Variants in ADGRA3 observed in about 807,000 individuals in gnomAD.
The protein encoded by ADGRA3 is adhesion G protein-coupled receptor A3, also known as G-protein coupled receptor 125.
A neutral mutation model predicts 119.8 loss-of-function variants in ADGRA3; 56 were observed. That is an observed-to-expected ratio of 0.47 (90% CI 0.38 to 0.58). The LOEUF (loss-of-function observed/expected upper bound fraction) is 0.58. ADGRA3 is among the 20% of genes least tolerant of loss of function. The pLI is 0.00. For missense variants in ADGRA3, 1,516 were observed against 1,649.0 expected (o/e 0.92, Z 1.40); for synonymous variants, 607 against 623.8 (o/e 0.97, Z 0.40).
chr4:22,481,094 G>A, intron 1 of ADGRA3, among the ~76,000 whole-genome samples: 1 of 152,092 alleles, frequency 6.6e-6, no homozygotes, highest in East Asian at 1.9e-4. Flanking sequence ...TTTACAAATT[G>A]TACTAATGTA....
intron 1 of ADGRA3, among the ~76,000 whole-genome samples, chr4:22,502,515 G>C (rs1384949601): frequency 6.6e-6 from 1 of 152,186 alleles, no homozygotes; most frequent in East Asian, 1.9e-4. Flanking sequence ...ATTCAAGCTA[G>C]TTTTCAAGAA....
At chr4:22,489,352 T>C (rs1718545973) in intron 1 of ADGRA3, among the ~76,000 whole-genome samples, 1 of 152,104 alleles carries the variant, frequency 6.6e-6, no homozygotes, top group Admixed American at 6.6e-5. Context: ...GGTGGGAATA[T>C]AGCCAAACCA....
chr4:22,401,382 C>A (rs1472132344), intron 16 of ADGRA3, 49 bp downstream of exon 16: 3 of 1,497,414 alleles, frequency 2.0e-6, no homozygotes, highest in Non-Finnish European at 1.8e-6. Context: ...ATGAAATTAT[C>A]TTCTAATACC....
At chr4:22,508,589 G>A (rs1006633821) in intron 1 of ADGRA3, among the ~76,000 whole-genome samples, 3 of 152,166 alleles carry the variant, frequency 2.0e-5, no homozygotes, top group Non-Finnish European at 4.4e-5. Context: ...TTGATCCAAT[G>A]GCTCTGCTGG....
intron 1 of ADGRA3, among the ~76,000 whole-genome samples, chr4:22,500,704 A>G (rs1175152623): frequency 2.0e-5 from 3 of 152,212 alleles, no homozygotes; most frequent in African/African-American, 7.2e-5. Flanking sequence ...ATGTAAAGTA[A>G]GAGGTGCCCA....
chr4:22,390,320 TTATA>T lies in ADGRA3; in HGVS notation c.2628-1141_2628-1138del, dbSNP rs34566272. ...TATTTCTAGCATGCTTCTCTACTGC[TTATA>T]TATATATATATATAAAATACATATT... On this transcript the variant is annotated intron_variant, in intron 17 of 18. Transcript: ENST00000334304. Among the ~76,000 whole-genome samples the T allele has an allele frequency of 4.6e-3, 494 of 106,264 alleles. 11 individuals carry two copies. The highest frequency in any genetic ancestry group is 0.021 in the African/African-American group (441 of 20,924). The allele number at this position is 106,264 out of a possible 152,430, so 69.7% of individuals were successfully genotyped here. A position where few individuals can be genotyped will look rare whatever the true frequency, so the allele number is the denominator to read the frequency against.
At chr4:22,485,177 G>A (rs1718395809) in intron 1 of ADGRA3, among the ~76,000 whole-genome samples, 1 of 152,074 alleles carries the variant, frequency 6.6e-6, no homozygotes, top group Non-Finnish European at 1.5e-5. Flanking sequence ...CACCTCCTGG[G>A]TTCAAGCAAT....
chr4:22,458,297 CT>C (rs1056744732), intron 3 of ADGRA3, among the ~76,000 whole-genome samples: 1 of 152,168 alleles, frequency 6.6e-6, no homozygotes, highest in Admixed American at 6.6e-5. Flanking sequence ...TGCTCACCTG[CT>C]GCTGCCCCTC....
intron 1 of ADGRA3, among the ~76,000 whole-genome samples, chr4:22,497,016 T>G (rs1718852394): frequency 6.6e-6 from 1 of 152,164 alleles, no homozygotes; most frequent in Non-Finnish European, 1.5e-5. Flanking sequence ...GCAGAAACCA[T>G]CAAAGGCAAC....
intron 14 of ADGRA3, among the ~76,000 whole-genome samples, chr4:22,410,211 T>G (rs1715137756): frequency 6.6e-6 from 1 of 152,176 alleles, no homozygotes; most frequent in Non-Finnish European, 1.5e-5. Context: ...GTATATAAAT[T>G]AGCTTATCTT....
At chr4:22,466,691 C>T (rs566339144) in intron 2 of ADGRA3, among the ~76,000 whole-genome samples, 30 of 151,782 alleles carry the variant, frequency 2.0e-4, no homozygotes, top group Admixed American at 2.0e-4. Context: ...TCCAGCTTGG[C>T]GACAGATCAA....
rs543392883 is a variant in ADGRA3, at chr4:22,419,727, T to C, written c.1809+1159A>G. Among the ~76,000 whole-genome samples, 6 of 152,304 alleles carry C rather than the reference T, an allele frequency of 3.9e-5. No individual in the cohort carries two copies. The South Asian group carries it at 1.2e-3, about 32-fold the overall frequency. ...TCTCATGGGTTTCTCTGTGTTGCTG[T>C]TTCTAGTCTTTTATAGTATGTTTGT... On this transcript the variant is annotated intron_variant, in intron 12 of 18. Transcript: ENST00000334304.
intron 1 of ADGRA3, among the ~76,000 whole-genome samples, chr4:22,480,042 G>A (rs1441756384): frequency 1.3e-5 from 2 of 152,156 alleles, no homozygotes; most frequent in Admixed American, 6.5e-5. Context: ...AATACCTACT[G>A]TAGATGACGG....
rs754628680 is a variant in ADGRA3 at position 22,402,705 on chromosome 4, G to T, written c.2327C>A (p.Ala776Asp). 5.0e-6 allele frequency: 8 copies of T among 1,613,648 alleles called. No homozygotes were observed. In the South Asian group the frequency reaches 7.7e-5, roughly 16 times the overall value. ...TAIILLLCLL[A>D]VIVSYIYHHS... ...ATGGTATATGTAACTGACAATGACG[G>T]CTAAGAGACATAAGAGGAGAATGAT... Residue 776 changes from alanine (A) to aspartate (D), a missense_variant, in exon 15 of 19, where the codon GCC (alanine) becomes GAC (aspartate). Physicochemically the swap from Ala to Asp is moderately radical, Grantham distance 126 (BLOSUM62 -2). This residue lies in a region of ADGRA3 where 1,088 missense variants were observed against 1,107.1 expected (regional missense o/e 0.98). Transcript: ENST00000334304.
intron 6 of ADGRA3, chr4:22,443,071 A>T (rs1157909568): frequency 4.4e-6 from 3 of 681,222 alleles, no homozygotes; most frequent in Non-Finnish European, 7.9e-6. Context: ...TTTCATAACC[A>T]GTTCTGACAT....
chr4:22,392,668 G>C lies in ADGRA3; in HGVS notation c.2504C>G (p.Ser835Cys), dbSNP rs562486549. ...CQAVGIILHY[S>C]TLATVLWVGV... ...TACCCATAGTACTGTGGCAAGGGTG[G>C]AATAGTGAAGAATTATCCCAACCTA... The change falls in exon 17 of 19, where the codon TCC becomes TGC. Residue 835 changes from serine (S) to cysteine (C), a missense_variant. Coordinates refer to ENST00000334304, the MANE Select transcript of ADGRA3 (RefSeq NM_145290.4). 4.1e-5 allele frequency: 66 copies of C among 1,612,482 alleles called. No individual in the cohort carries two copies. The Middle Eastern group carries it at 5.0e-4, about 12-fold the overall frequency.
intron 4 of ADGRA3, among the ~76,000 whole-genome samples, chr4:22,452,830 T>A (rs1717096802): frequency 6.6e-6 from 1 of 152,080 alleles, no homozygotes; most frequent in African/African-American, 2.4e-5. Flanking sequence ...ATTACTTCAG[T>A]CATAGCTGTC....
chr4:22,437,178 C>A (rs1490485573), intron 8 of ADGRA3, among the ~76,000 whole-genome samples: 1 of 152,132 alleles, frequency 6.6e-6, no homozygotes, highest in African/African-American at 2.4e-5. Context: ...ATATATTTCA[C>A]TTAAAAGCAT....
At chr4:22,405,097 G>C (rs1370110523) in intron 14 of ADGRA3, among the ~76,000 whole-genome samples, 3 of 152,106 alleles carry the variant, frequency 2.0e-5, no homozygotes, top group Admixed American at 1.3e-4. Flanking sequence ...TTGGAGAAGG[G>C]GTAGAAGAAA....
Sources: allele counts gnomAD v4.1 joint callset (sites outside exome capture counted in the v4.1 genomes callset), GRCh38; gene constraint gnomAD v4.1.1; regional missense constraint gnomAD v4.1.1; transcripts MANE v1.5; gene names NCBI Gene and HGNC (gene_info 2026-07-23, HGNC 2026-07-21).